The following TBC1D14 variants were observed in gnomAD, a reference collection of about 807,000 sequenced individuals.
The protein encoded by TBC1D14 is TBC1 domain family, member 14.
TBC1D14 carries 26 observed loss-of-function variants against 79.0 expected under a neutral mutation model. The ratio of observed to expected loss-of-function variants is 0.33; its 90% confidence interval spans 0.24 to 0.46. The LOEUF (loss-of-function observed/expected upper bound fraction) is 0.46, where lower values mean the gene tolerates loss of function less well. Ranked by LOEUF, TBC1D14 falls within the 20% of genes least tolerant of loss-of-function variation. TBC1D14 has a pLI of 1.00. For missense variants in TBC1D14, 769 were observed against 887.6 expected (o/e 0.87, Z 1.70); for synonymous variants, 394 against 349.9 (o/e 1.13, Z -1.40).
chr4:7,008,516 G>A (rs1182540407), intron 9 of TBC1D14, among the ~76,000 whole-genome samples: 1 of 152,166 alleles, frequency 6.6e-6, no homozygotes, highest in Non-Finnish European at 1.5e-5. Context: ...GGGTTCAAGC[G>A]ATTCTCTTGC....
chr4:6,937,236 TAATA>T (rs1230616137), intron 2 of TBC1D14, among the ~76,000 whole-genome samples: 1 of 152,200 alleles, frequency 6.6e-6, no homozygotes, highest in Non-Finnish European at 1.5e-5. Context: ...ATTTTAAACA[TAATA>T]TTGTAGACGA....
chr4:6,944,487 G>A (rs1392818766), intron 2 of TBC1D14, among the ~76,000 whole-genome samples: 2 of 152,092 alleles, frequency 1.3e-5, no homozygotes, highest in Admixed American at 6.5e-5. Flanking sequence ...CCAGCGTCTC[G>A]GGCCCCTGTC....
Position 6,923,465 on chromosome 4 carries a change from C to T in TBC1D14, c.76C>T (p.Pro26Ser), listed in dbSNP as rs747972149. ...TATTCTGGATGGTCGACCAGGAAAC[C>T]CCCTTCAGAACCTGCAACACGTCAA... ...MGILDGRPGN[P>S]LQNLQHVNLK... Residue 26 changes from proline (P) to serine (S), a missense_variant, in exon 2 of 14, where the codon CCC becomes TCC. Physicochemically the swap from Pro to Ser is moderately conservative, Grantham distance 74. This residue lies in a region of TBC1D14 where 402 missense variants were observed against 393.2 expected (regional missense o/e 1.02). Transcript: ENST00000409757. 1.4e-5 allele frequency: 23 copies of T among 1,614,168 alleles called. No homozygotes were observed. The highest frequency in any genetic ancestry group is 1.3e-4 in the East Asian group (6 of 44,886).
At chr4:6,927,658 G>T (rs922659084) in intron 2 of TBC1D14, among the ~76,000 whole-genome samples, 5 of 152,186 alleles carry the variant, frequency 3.3e-5, no homozygotes, top group African/African-American at 9.7e-5. Flanking sequence ...CGTCTTTGTT[G>T]TGGGCGGCTG....
At chr4:6,931,443 T>C (rs1006830118) in intron 2 of TBC1D14, among the ~76,000 whole-genome samples, 7 of 152,226 alleles carry the variant, frequency 4.6e-5, no homozygotes, top group Admixed American at 3.3e-4. Flanking sequence ...GAGCTTCAAT[T>C]TGAGGTTGTG....
intron 3 of TBC1D14, among the ~76,000 whole-genome samples, chr4:6,975,693 T>G (rs1216351950): frequency 1.3e-5 from 2 of 152,188 alleles, no homozygotes; most frequent in Non-Finnish European, 2.9e-5. Flanking sequence ...AAGTGGAAAT[T>G]TTGTAACTGA....
chr4:6,935,695 G>A (rs1247395399), intron 2 of TBC1D14, among the ~76,000 whole-genome samples: 1 of 151,544 alleles, frequency 6.6e-6, no homozygotes, highest in African/African-American at 2.4e-5. Context: ...CCAGGCTGGA[G>A]TGCAGTGGTG....
chr4:7,010,844 C>A (rs755655147), intron 11 of TBC1D14, 63 bp downstream of exon 11: 5 of 1,543,584 alleles, frequency 3.2e-6, no homozygotes, highest in South Asian at 2.4e-5. Context: ...GTTGCTTACT[C>A]GTCTGTGTTT....
At position 7,030,439 on chromosome 4, in the gene TBC1D14, G is replaced by A. The variant is rs755727782; in HGVS notation, c.*47G>A. The stretch of plus-strand genomic sequence containing the variant: ...TCGGCACCAATCAGAGCCCCATGCC[G>A]CGGCCCCTCTGTTGTTTCAGACTGA... On this transcript the variant is annotated 3_prime_UTR_variant, in exon 14 of 14. Transcript: ENST00000409757. 3.9e-5 allele frequency: 63 copies of A among 1,599,512 alleles called. 1 individual carries two copies. Among genetic ancestry groups the A allele is most frequent in the East Asian group, 6.7e-5 (3 of 44,658 alleles).
intron 7 of TBC1D14, among the ~76,000 whole-genome samples, chr4:7,004,457 G>C (rs902303337): frequency 6.6e-6 from 1 of 152,200 alleles, no homozygotes; most frequent in Non-Finnish European, 1.5e-5. Flanking sequence ...TTCCTTGATT[G>C]GGTTGCTCTG....
intron 7 of TBC1D14, 34 bp downstream of exon 7, chr4:7,001,285 T>C: frequency 6.5e-7 from 1 of 1,548,066 alleles, no homozygotes; most frequent in Non-Finnish European, 8.9e-7. Context: ...GGAGTCCACC[T>C]CCAGGCCCTT....
At chr4:6,954,241 G>T (rs1237856573) in intron 2 of TBC1D14, 5 of 716,426 alleles carry the variant, frequency 7.0e-6, no homozygotes, top group Non-Finnish European at 1.0e-5. Flanking sequence ...CAGGAATGCG[G>T]CACGGGGAGA....
In TBC1D14 at chr4:7,004,876, G is replaced by T; in HGVS notation, c.1303G>T (p.Glu435Ter). Residue 435 changes from glutamate (E) to a stop codon, truncating the protein, a stop_gained, in exon 8 of 14, where the codon GAG (glutamate) becomes TAG (stop). Transcript: ENST00000409757. LOFTEE classifies it high-confidence loss of function. ...TGACATCTGTCTTGCCCGAGCCAAGGAGAGGTGGCGGTCCCTTAGCACAGG... is the reference window on the plus strand; with the variant it reads ...TGACATCTGTCTTGCCCGAGCCAAGTAGAGGTGGCGGTCCCTTAGCACAGG... ...LFDICLARAKERWRSLSTGGS... is the reference protein window; with the variant it reads ...LFDICLARAK The T allele has an allele frequency of 1.2e-6, 2 of 1,614,170 alleles. No individual in the cohort carries two copies. The highest frequency in any genetic ancestry group is 1.7e-6 in the Non-Finnish European group (2 of 1,180,020).
chr4:6,994,613 C>T (rs972267319), intron 4 of TBC1D14, among the ~76,000 whole-genome samples: 5 of 152,132 alleles, frequency 3.3e-5, no homozygotes, highest in African/African-American at 9.7e-5. Context: ...CTTTGGGAGG[C>T]CGAGGCGGTG....
intron 3 of TBC1D14, chr4:6,987,328 C>G: frequency 7.1e-7 from 1 of 1,417,240 alleles, no homozygotes; most frequent in Non-Finnish European, 9.3e-7. Context: ...GGCCGCGCGC[C>G]TCTAAGGCCC....
intron 1 of TBC1D14, among the ~76,000 whole-genome samples, chr4:6,916,055 G>A (rs986750117): frequency 6.6e-6 from 1 of 151,880 alleles, no homozygotes; most frequent in African/African-American, 2.4e-5. Flanking sequence ...GAACCCAGGA[G>A]GCAGAGGTTG....
intron 2 of TBC1D14, among the ~76,000 whole-genome samples, chr4:6,964,279 C>G (rs1577093144): frequency 6.6e-6 from 1 of 152,280 alleles, no homozygotes; most frequent in East Asian, 1.9e-4. Context: ...GGGAGCCACT[C>G]ACCCAGACTT....
At chr4:6,967,473 AT>A in intron 3 of TBC1D14, 49 bp downstream of exon 3, 1 of 1,598,010 alleles carries the variant, frequency 6.3e-7, no homozygotes, top group Non-Finnish European at 8.5e-7. Context: ...TGTGTTTAGC[AT>A]ATATTCATGA....
intron 12 of TBC1D14, among the ~76,000 whole-genome samples, chr4:7,022,879 T>C (rs530855203): frequency 2.0e-5 from 3 of 152,108 alleles, no homozygotes; most frequent in South Asian, 2.1e-4. Flanking sequence ...GGGGGGTACA[T>C]TGTAGAAATC....
Sources: gnomAD v4.1 joint callset for allele counts (sites outside exome capture counted in the v4.1 genomes callset) on GRCh38, gnomAD v4.1.1 for gene constraint, gnomAD v4.1.1 regional missense constraint, MANE v1.5 for transcripts, NCBI Gene and HGNC (gene_info 2026-07-23, HGNC 2026-07-21) for gene names.